PASD1: variants seen among roughly 807,000 people sequenced by gnomAD.
PASD1 encodes circadian clock protein PASD1.
PASD1 carries 13 observed loss-of-function variants against 58.8 expected under a neutral mutation model. The ratio of observed to expected loss-of-function variants is 0.22; its 90% CI spans 0.14 to 0.35. The LOEUF is 0.35. Ranked by LOEUF, PASD1 falls within the 10% of genes least tolerant of loss-of-function variation. The probability of loss-of-function intolerance (pLI) is 1.00; values close to 1 mark genes in which losing one functional copy is unlikely to be tolerated. For missense variants in PASD1, 734 were observed against 568.3 expected (o/e 1.29, Z -2.96); for synonymous variants, 236 against 216.7 (o/e 1.09, Z -0.78).
intron 8 of PASD1, among the ~76,000 whole-genome samples, chrX:151,636,867 A>G (rs1368822789): frequency 1.8e-5 from 2 of 111,229 alleles, no homozygotes; most frequent in Non-Finnish European, 3.8e-5. Context: ...TCATCCCTCA[A>G]AAAACTTCCT....
chrX:151,609,516 C>T (rs998337265), intron 3 of PASD1, among the ~76,000 whole-genome samples: 5 of 111,855 alleles, frequency 4.5e-5, no homozygotes, highest in African/African-American at 6.5e-5. Flanking sequence ...CTTTCTGCAT[C>T]TATCAATTTG....
At chrX:151,658,869 C>T (rs1004322099) in intron 9 of PASD1, among the ~76,000 whole-genome samples, 2 of 112,157 alleles carry the variant, frequency 1.8e-5, no homozygotes, top group Non-Finnish European at 3.8e-5. Context: ...GACAGTGATC[C>T]ACAGACTATT....
chrX:151,665,563 G>A (rs2014366215), intron 11 of PASD1, among the ~76,000 whole-genome samples: 1 of 111,358 alleles, frequency 9.0e-6, no homozygotes, highest in South Asian at 3.8e-4. Flanking sequence ...CACTGAGAAG[G>A]GAAGAATGGG....
chrX:151,657,489 C>T (rs899783850), intron 9 of PASD1, among the ~76,000 whole-genome samples: 18 of 110,973 alleles, frequency 1.6e-4, no homozygotes, highest in Non-Finnish European at 3.2e-4. Flanking sequence ...CGTCTGGTCC[C>T]GGAGTTTGTT....
intron 8 of PASD1, among the ~76,000 whole-genome samples, chrX:151,628,707 G>T (rs1437709962): frequency 5.4e-5 from 6 of 111,654 alleles, no homozygotes; most frequent in Non-Finnish European, 1.1e-4. Context: ...CTTTAAAGTA[G>T]TTTTTTCCAA....
Position 151,622,926 on chromosome X carries a change from A to G in PASD1, c.419-11A>G, listed in dbSNP as rs368104134. 1.5e-5 allele frequency: 18 copies of G among 1,200,072 alleles called. No individual in the cohort carries two copies. Among genetic ancestry groups the G allele is most frequent in the Admixed American group, 2.2e-5 (1 of 44,600 alleles). Reference sequence around the variant, plus strand: ...CCTTTCTGTTTTCACATGTGTGTCTATCTTCCTTAGAGTTTCCTGTGGTCT... The same window carrying G: ...CCTTTCTGTTTTCACATGTGTGTCTGTCTTCCTTAGAGTTTCCTGTGGTCT... On this transcript the variant is annotated splice_polypyrimidine_tract_variant and intron_variant, in intron 6 of 15. Coordinates refer to ENST00000370357, the MANE Select transcript of PASD1 (RefSeq NM_173493.3).
At chrX:151,652,051 T>G (rs901468047) in intron 9 of PASD1, among the ~76,000 whole-genome samples, 1 of 112,453 alleles carries the variant, frequency 8.9e-6, no homozygotes, top group Non-Finnish European at 1.9e-5. Flanking sequence ...ATTCCTTCAT[T>G]TACTGATTTA....
chrX:151,645,510 C>T (rs973942657), intron 8 of PASD1, among the ~76,000 whole-genome samples: 9 of 111,607 alleles, frequency 8.1e-5, no homozygotes, highest in Admixed American at 1.9e-4. Flanking sequence ...TATCAAACCT[C>T]GGTAAAATAT....
At chrX:151,632,386 A>G (rs1243188309) in intron 8 of PASD1, among the ~76,000 whole-genome samples, 1 of 111,123 alleles carries the variant, frequency 9.0e-6, no homozygotes, top group Non-Finnish European at 1.9e-5. Flanking sequence ...GCAGAAGTAC[A>G]TGGCAGAAGC....
At chrX:151,672,812 T>G in intron 14 of PASD1, 151 bp downstream of exon 14, 1 of 927,798 alleles carries the variant, frequency 1.1e-6, no homozygotes, top group Non-Finnish European at 1.4e-6. Context: ...TTGCCTTCTC[T>G]GTGGCCACGG....
chrX:151,564,943 GA>G (rs2012812455), intron 1 of PASD1, among the ~76,000 whole-genome samples: 1 of 111,424 alleles, frequency 9.0e-6, no homozygotes, highest in Non-Finnish European at 1.9e-5. Context: ...CATCTTAAGG[GA>G]ACATAACTTT....
chrX:151,657,450 G>T (rs1403981298), intron 9 of PASD1, among the ~76,000 whole-genome samples: 4 of 111,555 alleles, frequency 3.6e-5, no homozygotes, highest in Non-Finnish European at 7.5e-5. Flanking sequence ...GCTCCTCCTT[G>T]TACCTCTGGT....
intron 8 of PASD1, among the ~76,000 whole-genome samples, chrX:151,644,628 A>G (rs1365897117): frequency 3.6e-5 from 4 of 111,813 alleles, no homozygotes; most frequent in Non-Finnish European, 7.5e-5. Flanking sequence ...TGGAATAGAA[A>G]CTTAGAGACA....
At chrX:151,569,721 G>A (rs959745373) in intron 1 of PASD1, among the ~76,000 whole-genome samples, 4 of 110,337 alleles carry the variant, frequency 3.6e-5, no homozygotes, top group Admixed American at 9.7e-5. Flanking sequence ...TCAGCATTGC[G>A]AAAAGGAATG....
At chrX:151,616,794 T>A (rs959668498) in intron 4 of PASD1, among the ~76,000 whole-genome samples, 4 of 111,656 alleles carry the variant, frequency 3.6e-5, no homozygotes, top group Non-Finnish European at 7.5e-5. Context: ...ATAACTGTGA[T>A]GAGATTTGCC....
intron 8 of PASD1, among the ~76,000 whole-genome samples, chrX:151,636,393 T>G (rs1166066204): frequency 8.9e-6 from 1 of 112,195 alleles, no homozygotes; most frequent in African/African-American, 3.2e-5. Context: ...ATGTATTTTC[T>G]TTTTCTTTCT....
At chrX:151,666,326 C>T (rs1376890412) in intron 11 of PASD1, among the ~76,000 whole-genome samples, 3 of 110,441 alleles carry the variant, frequency 2.7e-5, no homozygotes, top group African/African-American at 9.9e-5. Flanking sequence ...AGAATCTCAT[C>T]TCTTTTCTGT....
chrX:151,676,031 C>G lies in PASD1; in HGVS notation c.2210C>G (p.Pro737Arg), dbSNP rs376922795. The change falls in exon 16 of 16, where the codon CCT becomes CGT. Residue 737 changes from proline (P) to arginine (R), a missense_variant. By Grantham distance (103) the Pro-to-Arg change is moderately radical. Coordinates refer to ENST00000370357, the MANE Select transcript of PASD1 (RefSeq NM_173493.3). ...TCTGAGGTAGGAGTCGAGGGACCTC[C>G]TGATCCACAGGCTTTCCAAGGCCCT... ...QVSEVGVEGPPDPQAFQGPAA... is the reference protein window; with the variant it reads ...QVSEVGVEGPRDPQAFQGPAA... The G allele has an allele frequency of 3.3e-6, 4 of 1,211,600 alleles. No individual in the cohort carries two copies. The South Asian group carries it at 5.3e-5, about 16-fold the overall frequency.
intron 9 of PASD1, among the ~76,000 whole-genome samples, chrX:151,650,972 G>C (rs1468224719): frequency 9.0e-6 from 1 of 111,547 alleles, no homozygotes; most frequent in Non-Finnish European, 1.9e-5. Context: ...TCTGTGAGGG[G>C]CCCCCTCTAG....
Sources: allele counts gnomAD v4.1 joint callset (sites outside exome capture counted in the v4.1 genomes callset), GRCh38; gene constraint gnomAD v4.1.1; transcripts MANE v1.5; gene names NCBI Gene and HGNC (gene_info 2026-07-23, HGNC 2026-07-21).